Variants in FGF13 observed in about 807,000 individuals in gnomAD.
FGF13 encodes the protein fibroblast growth factor homologous factor 2.
A neutral mutation model predicts 19.5 loss-of-function variants in FGF13; 2 were observed. That is an observed-to-expected ratio of 0.10 (90% CI 0.04 to 0.32). The LOEUF is 0.32. Among genes scored for constraint, FGF13 ranks in the 10% least tolerant of loss-of-function variants. The pLI, the probability that FGF13 is intolerant of heterozygous loss-of-function variation, is 1.00. For synonymous variants in FGF13, 72 were observed against 76.9 expected, an observed-to-expected ratio of 0.94 and a Z score of 0.33; for missense variants, 113 against 192.7, an observed-to-expected ratio of 0.59 and a Z score of 2.45.
intron 3 of FGF13, among the ~76,000 whole-genome samples, chrX:138,787,458 T>C (rs1459334914): frequency 8.9e-6 from 1 of 112,495 alleles, no homozygotes; most frequent in East Asian, 2.8e-4. Context: ...AGTAGTCTTC[T>C]GCATTGCAAA....
At chrX:138,955,866 T>G (rs1165510367) in intron 1 of FGF13, among the ~76,000 whole-genome samples, 1 of 111,763 alleles carries the variant, frequency 8.9e-6, no homozygotes, top group African/African-American at 3.3e-5. Context: ...CTTTCTTGAG[T>G]TTGTTGGTTT....
intron 1 of FGF13, among the ~76,000 whole-genome samples, chrX:138,999,417 A>G (rs1398599461): frequency 9.0e-6 from 1 of 111,675 alleles, no homozygotes; most frequent in African/African-American, 3.3e-5. Flanking sequence ...GGAAAAGATC[A>G]ACAAAATAAA....
intron 1 of FGF13, among the ~76,000 whole-genome samples, chrX:139,165,099 C>G (rs1320078323): frequency 8.9e-6 from 1 of 111,852 alleles, no homozygotes; most frequent in Non-Finnish European, 1.9e-5. Context: ...CTGACAAACT[C>G]TCAGATGGAA....
intron 2 of FGF13, among the ~76,000 whole-genome samples, chrX:138,705,515 T>C (rs942504606): frequency 3.6e-5 from 4 of 112,291 alleles, no homozygotes; most frequent in African/African-American, 1.3e-4. Context: ...CACTATGTAC[T>C]TTAAATTTCC....
At chrX:138,845,608 G>GA (rs376982214) in intron 3 of FGF13, among the ~76,000 whole-genome samples, 129 of 111,308 alleles carry the variant, frequency 1.2e-3, no homozygotes, top group African/African-American at 4.0e-3. Flanking sequence ...CCACTTTTAA[G>GA]CACCAGTAGC....
At chrX:138,912,067 T>A (rs1187944794) in intron 1 of FGF13, among the ~76,000 whole-genome samples, 1 of 111,125 alleles carries the variant, frequency 9.0e-6, no homozygotes, top group Non-Finnish European at 1.9e-5. Context: ...ATAAAAATGT[T>A]TGGAGTTGAA....
intron 3 of FGF13, among the ~76,000 whole-genome samples, chrX:138,816,306 T>A (rs1243431964): frequency 8.9e-6 from 1 of 111,919 alleles, no homozygotes; most frequent in East Asian, 2.8e-4. Context: ...TTCTCACCTA[T>A]CAGGCAAAAA....
intron 2 of FGF13, among the ~76,000 whole-genome samples, chrX:138,859,246 T>C (rs759056614): frequency 8.9e-6 from 1 of 112,095 alleles, no homozygotes; most frequent in South Asian, 3.7e-4. Flanking sequence ...ATAGTTATGA[T>C]AATATAGACA....
chrX:138,642,114 G>A (rs1284959013), intron 3 of FGF13, among the ~76,000 whole-genome samples: 6 of 107,063 alleles, frequency 5.6e-5, no homozygotes, highest in Non-Finnish European at 1.2e-4. Context: ...AAAAGTAGGC[G>A]ATCAAAGGAG....
intron 3 of FGF13, among the ~76,000 whole-genome samples, chrX:138,828,723 AT>A (rs565968670): frequency 0.025 from 2,581 of 103,751 alleles, 86 homozygotes; most frequent in African/African-American, 0.082. Context: ...TATTAGAAGT[AT>A]TTTTTTTTTT....
rs1360721173 is a variant in FGF13 at position 138,618,021 on chromosome X, G to GA, written c.*14828dup. The GA allele has an allele frequency of 9.0e-6, 1 of 110,798 alleles. No homozygotes were observed. Among genetic ancestry groups the GA allele is most frequent in the Non-Finnish European group, 1.9e-5 (1 of 52,881 alleles). 9.1% of individuals were successfully genotyped at this position (110,798 alleles called of 1,213,427 possible). On this transcript the variant is annotated 3_prime_UTR_variant, in exon 5 of 5. Coordinates refer to ENST00000315930, the MANE Select transcript of FGF13 (RefSeq NM_004114.5). ...AATTCCAAAATAAACTTTATTCAAG[G>GA]AAAAAAATAATTAAAATATGCATTT... is the stretch of plus-strand genomic sequence containing the variant.
At chrX:138,869,616 A>T (rs2091347406) in intron 1 of FGF13, among the ~76,000 whole-genome samples, 1 of 112,306 alleles carries the variant, frequency 8.9e-6, no homozygotes, top group Admixed American at 9.5e-5. Context: ...CAAACGGTCA[A>T]CACCTCCAGG....
chrX:139,159,655 C>CAAA lies in FGF13; in HGVS notation c.-113+43758_-113+43760dup, dbSNP rs550001786. Among the ~76,000 whole-genome samples the CAAA allele has an allele frequency of 4.8e-4, 25 of 51,635 alleles. 2 individuals carry two copies. The highest frequency in any genetic ancestry group is 1.1e-3 in the African/African-American group (15 of 13,282). 44.8% of individuals were successfully genotyped at this position (51,635 alleles called of 115,157 possible). On this transcript the variant is annotated intron_variant, in intron 1 of 2. Transcript: ENST00000421460. ...GAATATTTACCAAGCAAAGAGAAAG[C>CAAA]AAAAAAAAAAAAAAAAACAGTGTGG...
At chrX:138,644,198 T>C (rs924874493) in intron 3 of FGF13, among the ~76,000 whole-genome samples, 1 of 112,237 alleles carries the variant, frequency 8.9e-6, no homozygotes, top group Non-Finnish European at 1.9e-5. Context: ...CTAGATGAAT[T>C]GAAAAGCTCT....
At chrX:138,980,993 G>T (rs934035600) in intron 1 of FGF13, among the ~76,000 whole-genome samples, 4 of 111,188 alleles carry the variant, frequency 3.6e-5, no homozygotes, top group Non-Finnish European at 7.5e-5. Flanking sequence ...CAAATAAGAT[G>T]CAGTCCCTGC....
intron 3 of FGF13, among the ~76,000 whole-genome samples, chrX:138,843,931 T>A (rs1031711803): frequency 8.9e-6 from 1 of 111,856 alleles, no homozygotes; most frequent in Non-Finnish European, 1.9e-5. Context: ...TTCCTTAGGA[T>A]CAACATTCAC....
chrX:138,797,189 G>A (rs919677382), intron 3 of FGF13, among the ~76,000 whole-genome samples: 4 of 111,663 alleles, frequency 3.6e-5, no homozygotes, highest in African/African-American at 6.5e-5. Flanking sequence ...ATGGTATTAC[G>A]TTTTATGTTT....
intron 3 of FGF13, among the ~76,000 whole-genome samples, chrX:138,672,622 C>G (rs1270573161): frequency 1.8e-5 from 2 of 111,951 alleles, no homozygotes; most frequent in Non-Finnish European, 3.8e-5. Flanking sequence ...AATCAGGCAT[C>G]TACATGGAGA....
chrX:139,188,960 A>T lies in FGF13; in HGVS notation c.-113+14456T>A, dbSNP rs369406397. Among the ~76,000 whole-genome samples the T allele has an allele frequency of 2.3e-4, 26 of 111,235 alleles. No individual in the cohort carries two copies. In the East Asian group the frequency reaches 6.3e-3, roughly 27 times the overall value. Reference sequence around the variant, plus strand: ...TGGTCCCTGCACTCAACAAGTTTACAGTATAGTGGGGGACACATATAAACA... The same window carrying T: ...TGGTCCCTGCACTCAACAAGTTTACTGTATAGTGGGGGACACATATAAACA... On this transcript the variant is annotated intron_variant, in intron 1 of 2. Transcript: ENST00000421460.
Sources: allele counts gnomAD v4.1 joint callset (sites outside exome capture counted in the v4.1 genomes callset), GRCh38; gene constraint gnomAD v4.1.1; transcripts MANE v1.5; gene names NCBI Gene and HGNC (gene_info 2026-07-23, HGNC 2026-07-21).